Variants in DISP1 observed in about 807,000 individuals in gnomAD.
DISP1 encodes the protein protein dispatched homolog 1.
In DISP1, 30 loss-of-function variants were observed where a neutral mutation model predicts 37.3. That is an observed-to-expected ratio of 0.80 (90% confidence interval 0.60 to 1.09). The LOEUF (loss-of-function observed/expected upper bound fraction) is 1.09. Ranked by LOEUF, DISP1 falls within the 50% of genes least tolerant of loss-of-function variation. The pLI is 0.00. For synonymous variants in DISP1, 634 were observed against 690.2 expected, an observed-to-expected ratio of 0.92 and a Z score of 1.28; for missense variants, 1,598 against 1,879.5, an observed-to-expected ratio of 0.85 and a Z score of 2.77.
At chr1:222,917,002 A>G (rs1038370947) in intron 1 of DISP1, among the ~76,000 whole-genome samples, 2 of 152,136 alleles carry the variant, frequency 1.3e-5, no homozygotes, top group African/African-American at 4.8e-5. Context: ...CCCCAAGCGC[A>G]GTGTTTCTTG....
At position 223,005,397 on chromosome 1, in the gene DISP1, C is replaced by T. The variant is rs756022821; in HGVS notation, c.4000C>T (p.His1334Tyr). ...GFVHPITHIH[H>Y]CPCLQGRVKP... The stretch of plus-strand genomic sequence containing the variant: ...TGTGCACCCCATCACGCACATCCAC[C>T]ACTGTCCCTGCCTGCAGGGCAGAGT... The change falls in exon 9 of 9, where the codon CAC becomes TAC. Residue 1334 changes from histidine to tyrosine, a missense_variant. By Grantham distance (83) the His-to-Tyr change is moderately conservative (BLOSUM62 2). Transcript: ENST00000675850. 9 of 1,613,570 alleles carry T rather than the reference C, an allele frequency of 5.6e-6. No individual in the cohort carries two copies. The highest frequency in any genetic ancestry group is 1.6e-4 in the Middle Eastern group (1 of 6,062).
intron 4 of DISP1, among the ~76,000 whole-genome samples, chr1:222,986,624 G>A (rs1226909841): frequency 1.3e-5 from 2 of 152,186 alleles, no homozygotes; most frequent in Non-Finnish European, 1.5e-5. Flanking sequence ...GTTCATCCAC[G>A]AACGCATTTC....
chr1:222,913,766 G>A (rs747697756), intron 1 of DISP1, among the ~76,000 whole-genome samples: 1 of 151,612 alleles, frequency 6.6e-6, no homozygotes, highest in Non-Finnish European at 1.5e-5. Flanking sequence ...AAAAAAAGGA[G>A]TGAATAAAAT....
At chr1:222,929,529 G>A (rs1472866992) in intron 2 of DISP1, among the ~76,000 whole-genome samples, 1 of 152,004 alleles carries the variant, frequency 6.6e-6, no homozygotes, top group Admixed American at 6.5e-5. Flanking sequence ...GTTGAACGAA[G>A]AAGAAGGAAA....
intron 3 of DISP1, among the ~76,000 whole-genome samples, chr1:222,944,138 T>G (rs1344978479): frequency 6.6e-6 from 1 of 152,240 alleles, no homozygotes; most frequent in African/African-American, 2.4e-5. Context: ...CTATGTGGTA[T>G]GCTGAGATCA....
At chr1:222,933,685 A>G (rs943431809) in intron 2 of DISP1, among the ~76,000 whole-genome samples, 3 of 152,014 alleles carry the variant, frequency 2.0e-5, no homozygotes, top group Non-Finnish European at 4.4e-5. Context: ...TTTGCAATAT[A>G]TAAAATGTTT....
intron 1 of DISP1, among the ~76,000 whole-genome samples, chr1:222,917,724 C>A (rs1672576286): frequency 6.6e-6 from 1 of 152,142 alleles, no homozygotes; most frequent in Non-Finnish European, 1.5e-5. Flanking sequence ...GGAAGGCTAA[C>A]TTTAACTTTG....
intron 3 of DISP1, among the ~76,000 whole-genome samples, chr1:222,948,579 G>A (rs933976290): frequency 6.6e-6 from 1 of 152,152 alleles, no homozygotes; most frequent in African/African-American, 2.4e-5. Context: ...GGTTGATCTC[G>A]ACCAGGAACT....
chr1:222,856,516 G>A (rs1371298750), intron 1 of DISP1, among the ~76,000 whole-genome samples: 1 of 152,170 alleles, frequency 6.6e-6, no homozygotes, highest in African/African-American at 2.4e-5. Context: ...ACAAAAAACA[G>A]TGGGAGACAG....
At chr1:222,907,819 A>G (rs1307689334) in intron 1 of DISP1, among the ~76,000 whole-genome samples, 1 of 152,148 alleles carries the variant, frequency 6.6e-6, no homozygotes, top group Non-Finnish European at 1.5e-5. Context: ...GCATGGTGGC[A>G]CAAGCCTATA....
intron 3 of DISP1, among the ~76,000 whole-genome samples, chr1:222,963,777 G>A (rs1354718873): frequency 6.6e-6 from 1 of 151,966 alleles, no homozygotes; most frequent in Non-Finnish European, 1.5e-5. Context: ...GGTTGGGGGT[G>A]AGAGAAGGGA....
chr1:222,989,141 G>T (rs1400544885), intron 4 of DISP1, among the ~76,000 whole-genome samples: 2 of 152,144 alleles, frequency 1.3e-5, no homozygotes, highest in Non-Finnish European at 2.9e-5. Context: ...GAGACATATA[G>T]TAGCTTTTTT....
chr1:222,938,470 C>T (rs745565964), intron 2 of DISP1, among the ~76,000 whole-genome samples: 1 of 151,836 alleles, frequency 6.6e-6, no homozygotes, highest in Non-Finnish European at 1.5e-5. Flanking sequence ...CATGGTGGCT[C>T]ATCCTGTAAT....
chr1:222,986,944 G>A (rs1678316872), intron 4 of DISP1, among the ~76,000 whole-genome samples: 1 of 151,968 alleles, frequency 6.6e-6, no homozygotes, highest in African/African-American at 2.4e-5. Flanking sequence ...AATATGATTT[G>A]ATATGCAGAA....
At chr1:222,914,340 AT>A (rs962157081) in intron 1 of DISP1, among the ~76,000 whole-genome samples, 3 of 152,066 alleles carry the variant, frequency 2.0e-5, no homozygotes, top group Non-Finnish European at 4.4e-5. Flanking sequence ...TTCAGAAAAA[AT>A]TTTTTTGTGT....
intron 1 of DISP1, among the ~76,000 whole-genome samples, chr1:222,859,126 AT>A (rs1375320881): frequency 6.6e-6 from 1 of 152,250 alleles, no homozygotes; most frequent in Non-Finnish European, 1.5e-5. Flanking sequence ...TGTGATACAT[AT>A]ACACCATGGA....
At chr1:222,953,648 T>G (rs1200383757) in intron 3 of DISP1, among the ~76,000 whole-genome samples, 1 of 152,232 alleles carries the variant, frequency 6.6e-6, no homozygotes, top group Admixed American at 6.5e-5. Context: ...AACCAGGATT[T>G]ATTTTGACAT....
chr1:222,978,997 G>T (rs961508770), intron 3 of DISP1, among the ~76,000 whole-genome samples: 3 of 151,926 alleles, frequency 2.0e-5, no homozygotes, highest in Admixed American at 1.3e-4. Flanking sequence ...TTGACTTGGC[G>T]ATGCAGGCTC....
At chr1:222,885,636 A>G (rs549142155) in intron 1 of DISP1, among the ~76,000 whole-genome samples, 3 of 152,016 alleles carry the variant, frequency 2.0e-5, no homozygotes, top group African/African-American at 7.2e-5. Context: ...CACAATACTT[A>G]GCTAATTTCC....
Sources: gnomAD v4.1 joint callset for allele counts (sites outside exome capture counted in the v4.1 genomes callset) on GRCh38, gnomAD v4.1.1 for gene constraint, MANE v1.5 for transcripts, NCBI Gene and HGNC (gene_info 2026-07-23, HGNC 2026-07-21) for gene names.